Variants in GRIK2 observed in about 807,000 individuals in gnomAD.
The protein encoded by GRIK2 is glutamate ionotropic receptor kainate type subunit 2.
GRIK2 carries 32 observed loss-of-function variants against 100.3 expected under a neutral mutation model. The observed-to-expected ratio is 0.32, with a 90% CI of 0.24 to 0.43. The LOEUF (loss-of-function observed/expected upper bound fraction) is 0.43. Ranked by LOEUF, GRIK2 falls within the 20% of genes least tolerant of loss-of-function variation. GRIK2 has a pLI of 1.00. For synonymous variants in GRIK2, 417 were observed against 389.4 expected (o/e 1.07, Z -0.83); for missense variants, 843 against 1,114.9 (o/e 0.76, Z 3.47).
intron 7 of GRIK2, among the ~76,000 whole-genome samples, chr6:101,766,427 TA>T (rs1185009777): frequency 6.6e-6 from 1 of 152,160 alleles, no homozygotes; most frequent in African/African-American, 2.4e-5. Flanking sequence ...AGCATTAAAG[TA>T]ATGTTTGATA....
At chr6:101,757,286 G>A (rs1777195723) in intron 7 of GRIK2, among the ~76,000 whole-genome samples, 1 of 152,014 alleles carries the variant, frequency 6.6e-6, no homozygotes, top group African/African-American at 2.4e-5. Flanking sequence ...TATTTATACA[G>A]TACCTAATGT....
intron 10 of GRIK2, among the ~76,000 whole-genome samples, chr6:101,825,297 A>C (rs1361013452): frequency 6.6e-6 from 1 of 152,132 alleles, no homozygotes; most frequent in African/African-American, 2.4e-5. Flanking sequence ...TGCTGGTACT[A>C]CATTTCTCTC....
intron 2 of GRIK2, among the ~76,000 whole-genome samples, chr6:101,618,514 T>C (rs1738004917): frequency 1.3e-5 from 2 of 151,942 alleles, no homozygotes; most frequent in African/African-American, 4.8e-5. Flanking sequence ...ATACTTACCA[T>C]ACACTTTAAT....
At chr6:101,925,078 T>C (rs145511071) in intron 13 of GRIK2, among the ~76,000 whole-genome samples, 1 of 152,278 alleles carries the variant, frequency 6.6e-6, no homozygotes, top group African/African-American at 2.4e-5. Context: ...TATGCTCCTG[T>C]TTCTTGTCTC....
intron 2 of GRIK2, among the ~76,000 whole-genome samples, chr6:101,471,900 T>C (rs1771966286): frequency 1.3e-5 from 2 of 151,996 alleles, no homozygotes; most frequent in Admixed American, 6.6e-5. Context: ...AGAAAAGAGG[T>C]CAATATATTA....
chr6:101,417,579 A>T (rs1776212691), intron 2 of GRIK2, among the ~76,000 whole-genome samples: 1 of 152,188 alleles, frequency 6.6e-6, no homozygotes, highest in Admixed American at 6.5e-5. Context: ...CTGCACACAG[A>T]TATAATCACA....
At chr6:101,664,909 T>C (rs1769901344) in intron 4 of GRIK2, among the ~76,000 whole-genome samples, 1 of 152,160 alleles carries the variant, frequency 6.6e-6, no homozygotes, top group Admixed American at 6.6e-5. Context: ...AAATCAGTTC[T>C]TGTGAGACTT....
At chr6:101,436,381 A>G (rs537262650) in intron 2 of GRIK2, among the ~76,000 whole-genome samples, 1 of 150,444 alleles carries the variant, frequency 6.6e-6, no homozygotes, top group African/African-American at 2.4e-5. Context: ...TTTTTTTTAT[A>G]CTGAACTCTT....
At chr6:101,464,774 C>G (rs1771554514) in intron 2 of GRIK2, among the ~76,000 whole-genome samples, 1 of 152,074 alleles carries the variant, frequency 6.6e-6, no homozygotes, top group African/African-American at 2.4e-5. Context: ...CCCGCCTCAG[C>G]CTCCCAAAGT....
chr6:101,747,192 T>C (rs1244059890), intron 7 of GRIK2, among the ~76,000 whole-genome samples: 2 of 152,126 alleles, frequency 1.3e-5, no homozygotes, highest in African/African-American at 4.8e-5. Flanking sequence ...AAATCACACA[T>C]TGAATGGGAG....
rs60236327 is a variant in GRIK2 at position 101,744,523 on chromosome 6, C to CATATATATATATATAT, written c.952-55104_952-55089dup. 70 of 61,224 alleles carry CATATATATATATATAT rather than the reference C, an allele frequency of 1.1e-3. 1 individual carries two copies. Among genetic ancestry groups the CATATATATATATATAT allele is most frequent in the Non-Finnish European group, 1.7e-3 (53 of 32,010 alleles). The allele number at this position is 61,224 out of a possible 1,614,324, so 3.8% of individuals were successfully genotyped here. A position where few individuals can be genotyped will look rare whatever the true frequency, so the allele number is the denominator to read the frequency against. ...GTGTGTGTGTGTGTGTGCGTGCGCGCATATATATATATATATATATATATA... is the reference window on the plus strand; with the variant it reads ...GTGTGTGTGTGTGTGTGCGTGCGCGCATATATATATATATATATATATATATATATATATATATATA... On this transcript the variant is annotated intron_variant, in intron 7 of 16. Transcript: ENST00000369134.
intron 10 of GRIK2, among the ~76,000 whole-genome samples, chr6:101,853,559 C>G (rs751359017): frequency 1.3e-4 from 20 of 152,128 alleles, no homozygotes; most frequent in Admixed American, 2.0e-4. Context: ...ATACTCTTAC[C>G]ATATGATCTT....
intron 2 of GRIK2, among the ~76,000 whole-genome samples, chr6:101,526,134 G>T (rs930429734): frequency 6.6e-6 from 1 of 152,124 alleles, no homozygotes; most frequent in Non-Finnish European, 1.5e-5. Context: ...AGTGCAGATG[G>T]CTCACTGTGT....
chr6:101,579,214 G>T (rs149219139), intron 2 of GRIK2, among the ~76,000 whole-genome samples: 1 of 152,166 alleles, frequency 6.6e-6, no homozygotes, highest in East Asian at 1.9e-4. Flanking sequence ...GAGAGTCAAA[G>T]AAATGAAGTA....
chr6:102,062,423 AT>A (rs1771799239), intron 16 of GRIK2, among the ~76,000 whole-genome samples: 1 of 150,446 alleles, frequency 6.6e-6, no homozygotes, highest in African/African-American at 2.4e-5. Context: ...AGTTAAGATA[AT>A]AGAGTTCCTG....
At chr6:102,006,731 A>AT (rs147736796) in intron 14 of GRIK2, among the ~76,000 whole-genome samples, 2 of 151,180 alleles carry the variant, frequency 1.3e-5, no homozygotes, top group Admixed American at 6.6e-5. Context: ...AAGCCCTGTC[A>AT]TTTTTTTTCA....
At chr6:101,496,097 C>A (rs1179674756) in intron 2 of GRIK2, among the ~76,000 whole-genome samples, 1 of 152,052 alleles carries the variant, frequency 6.6e-6, no homozygotes, top group Non-Finnish European at 1.5e-5. Flanking sequence ...AGGCGCACAT[C>A]ACCACACCTG....
intron 11 of GRIK2, among the ~76,000 whole-genome samples, chr6:101,888,526 G>A (rs1359294186): frequency 6.6e-6 from 1 of 152,004 alleles, no homozygotes; most frequent in African/African-American, 2.4e-5. Context: ...TTTCTTCCTA[G>A]TTTTTAGAGA....
rs1057302072 is a variant in GRIK2, at chr6:102,044,129, G to A, written c.2311+8563G>A. Among the ~76,000 whole-genome samples the A allele has an allele frequency of 4.4e-4, 67 of 151,946 alleles. 1 individual carries two copies. Among genetic ancestry groups the A allele is most frequent in the Non-Finnish European group, 8.1e-4 (55 of 67,926 alleles). On this transcript the variant is annotated intron_variant, in intron 15 of 16. Coordinates refer to ENST00000369134, the MANE Select transcript of GRIK2 (RefSeq NM_021956.5). ...AGAAATTCATGAGCAAAAATGATAA[G>A]GATACAAAAAGAGTAATTTCATCTT...
Sources: gnomAD v4.1 joint callset for allele counts (sites outside exome capture counted in the v4.1 genomes callset) on GRCh38, gnomAD v4.1.1 for gene constraint, MANE v1.5 for transcripts, NCBI Gene and HGNC (gene_info 2026-07-23, HGNC 2026-07-21) for gene names.